The following AKAP1 variants were observed in gnomAD, a reference collection of about 807,000 sequenced individuals.
The protein encoded by AKAP1 is A-kinase anchoring protein 1.
AKAP1 carries 32 observed loss-of-function variants against 79.8 expected under a neutral mutation model. The ratio of observed to expected loss-of-function variants is 0.40; its 90% CI spans 0.30 to 0.54. AKAP1 has a LOEUF of 0.54. AKAP1 is among the 20% of genes least tolerant of loss of function. AKAP1 has a pLI of 0.47. For missense variants in AKAP1, 961 were observed against 1,138.9 expected (o/e 0.84, Z 2.25); for synonymous variants, 416 against 466.7 (o/e 0.89, Z 1.40).
intron 7 of AKAP1, 109 bp downstream of exon 7, chr17:57,116,370 C>A: frequency 7.3e-7 from 1 of 1,361,566 alleles, no homozygotes. Flanking sequence ...TACTTCTTCC[C>A]TCCTGCTGCC....
At chr17:57,099,941 G>T (rs1914381945) in intron 1 of AKAP1, among the ~76,000 whole-genome samples, 1 of 152,134 alleles carries the variant, frequency 6.6e-6, no homozygotes, top group Admixed American at 6.5e-5. Flanking sequence ...CCCCTTATGG[G>T]ATCTTGGGAG....
At chr17:57,116,309 TG>T in intron 7 of AKAP1, 48 bp downstream of exon 7, 1 of 1,609,734 alleles carries the variant, frequency 6.2e-7, no homozygotes, top group Non-Finnish European at 8.5e-7. Flanking sequence ...TGTTCTGGGA[TG>T]CGTGATCTCT....
intron 8 of AKAP1, among the ~76,000 whole-genome samples, chr17:57,117,716 C>T (rs1327206481): frequency 5.9e-5 from 9 of 152,102 alleles, no homozygotes; most frequent in African/African-American, 9.7e-5. Flanking sequence ...TCCATCTAAG[C>T]GATCTGTCCA....
At chr17:57,099,353 A>C (rs1313298645) in intron 1 of AKAP1, among the ~76,000 whole-genome samples, 2 of 152,132 alleles carry the variant, frequency 1.3e-5, no homozygotes, top group Admixed American at 1.3e-4. Context: ...CAATGGTGTG[A>C]GAAGGGCTTT....
intron 2 of AKAP1, chr17:57,108,051 C>T (rs1436274952): frequency 1.6e-5 from 19 of 1,205,822 alleles, no homozygotes; most frequent in Non-Finnish European, 2.0e-5. Context: ...ACTTACAGGT[C>T]AGCAGCTCCT....
rs1414595109 is a variant in AKAP1, at chr17:57,120,588, G to T, written c.*264G>T. 16 of 334,258 alleles carry T rather than the reference G, an allele frequency of 4.8e-5. No individual in the cohort carries two copies. The highest frequency in any genetic ancestry group is 3.1e-4 in the African/African-American group (14 of 44,692). 20.7% of individuals were successfully genotyped at this position (334,258 alleles called of 1,614,324 possible). ...AGCTGTTTAAAAAAAAAAAAAAAAA[G>T]GAATAGAAACAGTTTCAACCAGATT... On this transcript the variant is annotated 3_prime_UTR_variant, in exon 11 of 11. Coordinates refer to ENST00000337714, the MANE Select transcript of AKAP1 (RefSeq NM_003488.4).
At chr17:57,116,037 G>A (rs1915557734) in intron 6 of AKAP1, 74 bp from the exon 7 acceptor site, 1 of 1,549,066 alleles carries the variant, frequency 6.5e-7, no homozygotes, top group Admixed American at 1.7e-5. Context: ...GCAGGGAGGT[G>A]GGTAGTGGCC....
rs1384893165 is a variant in AKAP1 at position 57,111,933 on chromosome 17, C to CT, written c.1975+9_1975+10insT. 7 of 1,608,988 alleles carry CT rather than the reference C, an allele frequency of 4.4e-6. No homozygotes were observed. Among genetic ancestry groups the CT allele is most frequent in the Non-Finnish European group, 5.9e-6 (7 of 1,176,536 alleles). ...GATCTGCCACATAGAAGGTCAGTAA[C>CT]ATCTGCTGCTTGTATTGCCTCTTAC... On this transcript the variant is annotated intron_variant, in intron 4 of 10. Coordinates refer to ENST00000337714, the MANE Select transcript of AKAP1 (RefSeq NM_003488.4).
In AKAP1 at chr17:57,111,909, A is replaced by G; in HGVS notation, c.1960A>G (p.Ile654Val). The G allele has an allele frequency of 6.2e-7, 1 of 1,613,874 alleles. No individual in the cohort carries two copies. The highest frequency in any genetic ancestry group is 8.5e-7 in the Non-Finnish European group (1 of 1,179,816). Residue 654 changes from isoleucine to valine, a missense_variant, in exon 4 of 11, where the codon ATC becomes GTC. Transcript: ENST00000337714. ...STLPYTQSVQ[I>V]CHIEGSQHHV... ...CCTGCCTTACACCCAGAGCGTCCAG[A>G]TCTGCCACATAGAAGGTCAGTAACA... is the stretch of plus-strand genomic sequence containing the variant.
At chr17:57,116,420 T>G (rs953019914) in intron 7 of AKAP1, among the ~76,000 whole-genome samples, 159 bp downstream of exon 7, 1 of 152,156 alleles carries the variant, frequency 6.6e-6, no homozygotes, top group Non-Finnish European at 1.5e-5. Flanking sequence ...CAAACTCGAT[T>G]ACTCGCTTAG....
rs531358563 is a variant in AKAP1 at position 57,117,785 on chromosome 17, T to C, written c.2501-596T>C. Among the ~76,000 whole-genome samples, 35 of 152,288 alleles carry C rather than the reference T, an allele frequency of 2.3e-4. No homozygotes were observed. In the South Asian group the frequency reaches 6.6e-3, roughly 29 times the overall value. ...TCCCGGATCTTCCTTGGTAAACCCCTGTCTCTCCCATCCTTGCCACTGCTT... is the reference window on the plus strand; with the variant it reads ...TCCCGGATCTTCCTTGGTAAACCCCCGTCTCTCCCATCCTTGCCACTGCTT... On this transcript the variant is annotated intron_variant, in intron 8 of 10. Transcript: ENST00000337714.
intron 2 of AKAP1, 33 bp from the exon 3 acceptor site, chr17:57,109,992 G>A (rs777799098): frequency 6.2e-7 from 1 of 1,611,478 alleles, no homozygotes; most frequent in South Asian, 1.1e-5. Flanking sequence ...TGGGGTCTGT[G>A]TGTGTGCGTG....
chr17:57,115,781 C>T (rs1440461300), intron 6 of AKAP1, among the ~76,000 whole-genome samples: 2 of 152,188 alleles, frequency 1.3e-5, no homozygotes, highest in African/African-American at 2.4e-5. Flanking sequence ...TCCCCGAGTG[C>T]TATATTTACT....
Position 57,116,290 on chromosome 17 carries a change from C to T in AKAP1, c.2432+29C>T, listed in dbSNP as rs181595610. On this transcript the variant is annotated intron_variant, in intron 7 of 10. Coordinates refer to ENST00000337714, the MANE Select transcript of AKAP1 (RefSeq NM_003488.4). ...AGCGGAGATGCCTCAGGCAGGCCTA[C>T]GCCCTGCTTGTTCTGGGATGCGTGA... The T allele has an allele frequency of 2.3e-4, 363 of 1,612,990 alleles. No individual in the cohort carries two copies. In the Middle Eastern group the frequency reaches 3.5e-3, roughly 15 times the overall value.
At chr17:57,088,253 T>C (rs908887568) in intron 1 of AKAP1, among the ~76,000 whole-genome samples, 8 of 152,232 alleles carry the variant, frequency 5.3e-5, no homozygotes, top group Non-Finnish European at 1.2e-4. Context: ...TCCCATCACA[T>C]GTGGCATCCC....
At chr17:57,093,047 G>C (rs1363696710) in intron 1 of AKAP1, 2 of 152,426 alleles carry the variant, frequency 1.3e-5, no homozygotes, top group Non-Finnish European at 2.9e-5. Context: ...GCCTCATTCT[G>C]TCTGCAGCTT....
intron 3 of AKAP1, 22 bp from the exon 4 acceptor site, chr17:57,111,776 T>C (rs754069520): frequency 6.2e-7 from 1 of 1,613,524 alleles, no homozygotes; most frequent in South Asian, 1.1e-5. Flanking sequence ...AACCCTCTCA[T>C]CTCTTTTTGT....
rs552437074 is a variant in AKAP1, at chr17:57,087,667, G to A, written c.-25+2269G>A. 1.8e-4 allele frequency among the ~76,000 whole-genome samples: 28 copies of A among 152,262 alleles called. No homozygotes were observed. The Middle Eastern group carries it at 0.014, about 74-fold the overall frequency. ...CTGAACAATCCCTGAGACTGACTTT[G>A]TTTCTCTTGAATTACTTGAGTGACT... is the stretch of plus-strand genomic sequence containing the variant. On this transcript the variant is annotated intron_variant, in intron 1 of 10. Coordinates refer to ENST00000337714, the MANE Select transcript of AKAP1 (RefSeq NM_003488.4).
intron 2 of AKAP1, among the ~76,000 whole-genome samples, chr17:57,107,531 CT>C (rs1914970875): frequency 6.6e-6 from 1 of 152,138 alleles, no homozygotes; most frequent in Admixed American, 6.5e-5. Flanking sequence ...CAGATGGAGT[CT>C]TCCTTTGTTG....
Sources: gnomAD v4.1 joint callset for allele counts (sites outside exome capture counted in the v4.1 genomes callset) on GRCh38, gnomAD v4.1.1 for gene constraint, MANE v1.5 for transcripts, NCBI Gene and HGNC (gene_info 2026-07-23, HGNC 2026-07-21) for gene names.